Variants in SUMF1 observed in about 807,000 individuals in gnomAD.
SUMF1 encodes formylglycine-generating enzyme.
Under a neutral mutation model 47.6 loss-of-function variants are expected in SUMF1, and 48 were observed. The ratio of observed to expected loss-of-function variants is 1.01; its 90% confidence interval spans 0.80 to 1.28. The LOEUF is 1.28. Among genes scored for constraint, SUMF1 ranks in the 50% most tolerant of loss-of-function variants. SUMF1 has a pLI of 0.00. For missense variants in SUMF1, 571 were observed against 485.4 expected, an observed-to-expected ratio of 1.18 and a Z score of -1.66; for synonymous variants, 230 against 192.1, an observed-to-expected ratio of 1.20 and a Z score of -1.63.
chr3:4,430,836 G>C (rs1209622315), intron 3 of SUMF1, among the ~76,000 whole-genome samples: 2 of 152,098 alleles, frequency 1.3e-5, no homozygotes, highest in Non-Finnish European at 2.9e-5. Flanking sequence ...TAAGAAGGAG[G>C]AGCAAGTAAG....
At chr3:4,186,458 T>A (rs2125138180) in intron 8 of SUMF1, among the ~76,000 whole-genome samples, 1 of 152,236 alleles carries the variant, frequency 6.6e-6, no homozygotes, top group South Asian at 2.1e-4. Context: ...CCTACACAAA[T>A]TCAAATATAT....
chr3:4,243,236 G>A (rs1054273986), intron 8 of SUMF1, among the ~76,000 whole-genome samples: 1 of 152,080 alleles, frequency 6.6e-6, no homozygotes, highest in Non-Finnish European at 1.5e-5. Flanking sequence ...TTGATTTTCT[G>A]AAAGGTTTTT....
At chr3:4,255,056 G>A (rs1226576536) in intron 8 of SUMF1, among the ~76,000 whole-genome samples, 1 of 150,182 alleles carries the variant, frequency 6.7e-6, no homozygotes, top group Non-Finnish European at 1.5e-5. Context: ...TTACAGACAA[G>A]CAAATGCTGA....
intron 8 of SUMF1, chr3:4,303,578 G>A (rs943994385): frequency 7.4e-7 from 1 of 1,346,810 alleles, no homozygotes; most frequent in Non-Finnish European, 9.5e-7. Context: ...TCCCCCACGT[G>A]GTCTCCTCAA....
chr3:4,114,273 T>C (rs1359347745), intron 8 of SUMF1, among the ~76,000 whole-genome samples: 1 of 152,060 alleles, frequency 6.6e-6, no homozygotes, highest in Non-Finnish European at 1.5e-5. Flanking sequence ...TATGGCAGAA[T>C]CAAAGCTTTT....
At chr3:4,187,582 G>C (rs1695227762) in intron 8 of SUMF1, among the ~76,000 whole-genome samples, 1 of 152,122 alleles carries the variant, frequency 6.6e-6, no homozygotes, top group Non-Finnish European at 1.5e-5. Flanking sequence ...ATTAAAATTG[G>C]AGAAGACGAA....
chr3:4,223,166 C>T (rs1696105085), intron 8 of SUMF1, among the ~76,000 whole-genome samples: 1 of 152,118 alleles, frequency 6.6e-6, no homozygotes, highest in Non-Finnish European at 1.5e-5. Context: ...AGCATCAGCT[C>T]TCTGGACAGA....
chr3:4,431,171 T>A (rs1286480942), intron 3 of SUMF1, among the ~76,000 whole-genome samples: 1 of 152,140 alleles, frequency 6.6e-6, no homozygotes, highest in Admixed American at 6.5e-5. Context: ...GATGGGTCAA[T>A]GGTGAAACCC....
rs144988788 is a variant in SUMF1, at chr3:4,174,758, G to T, written c.1015-106013C>A. Among the ~76,000 whole-genome samples the T allele has an allele frequency of 1.1e-3, 166 of 152,264 alleles. 3 individuals carry two copies. In the East Asian group the frequency reaches 0.017, roughly 16 times the overall value. The stretch of plus-strand genomic sequence containing the variant: ...TCACCTCACCCAGGAAGCACAAGGG[G>T]TCAGGAGATTTCTCTTTCCTAGCCA... On this transcript the variant is annotated intron_variant and NMD_transcript_variant, in intron 8 of 12. Transcript: ENST00000448413.
intron 9 of SUMF1, among the ~76,000 whole-genome samples, chr3:4,060,854 T>C (rs1167416196): frequency 6.6e-6 from 1 of 152,140 alleles, no homozygotes; most frequent in African/African-American, 2.4e-5. Flanking sequence ...ATAGCATTTG[T>C]TAAGTAAATA....
chr3:4,391,686 T>C (rs1700868543), intron 7 of SUMF1, among the ~76,000 whole-genome samples: 1 of 152,154 alleles, frequency 6.6e-6, no homozygotes, highest in Non-Finnish European at 1.5e-5. Flanking sequence ...TTTTGCCATG[T>C]TGCCCAGGCT....
At chr3:4,335,210 C>G (rs1374758805) in intron 8 of SUMF1, among the ~76,000 whole-genome samples, 1 of 152,192 alleles carries the variant, frequency 6.6e-6, no homozygotes, top group African/African-American at 2.4e-5. Context: ...CCATTCCTCA[C>G]AATGCATTTT....
intron 9 of SUMF1, among the ~76,000 whole-genome samples, chr3:4,063,571 G>C (rs1376881035): frequency 6.6e-6 from 1 of 151,982 alleles, no homozygotes; most frequent in Admixed American, 6.6e-5. Flanking sequence ...AAGACCCTGT[G>C]AAGCATAAAA....
At chr3:4,232,963 G>A (rs925108765) in intron 8 of SUMF1, among the ~76,000 whole-genome samples, 2 of 152,084 alleles carry the variant, frequency 1.3e-5, no homozygotes, top group African/African-American at 2.4e-5. Context: ...GTGAATCCAC[G>A]GGTCTCACCA....
At chr3:4,055,522 A>T (rs1695176049) in intron 9 of SUMF1, among the ~76,000 whole-genome samples, 1 of 152,028 alleles carries the variant, frequency 6.6e-6, no homozygotes, top group African/African-American at 2.4e-5. Context: ...TCGCTCTGTC[A>T]CTCCAGTTGG....
chr3:4,426,439 CCATCCAAACT>C (rs900608573), intron 3 of SUMF1, among the ~76,000 whole-genome samples: 4 of 152,196 alleles, frequency 2.6e-5, no homozygotes, highest in Non-Finnish European at 5.9e-5. Flanking sequence ...AGGGCAAATC[CCATCCAAACT>C]CACTAGACGT....
chr3:4,366,592 T>C (rs1699966689), intron 8 of SUMF1, among the ~76,000 whole-genome samples: 1 of 150,890 alleles, frequency 6.6e-6, no homozygotes, highest in African/African-American at 2.4e-5. Context: ...CTTCTCTGTA[T>C]TGGTTATTCT....
chr3:4,313,216 A>G (rs1575083106), intron 8 of SUMF1: 1 of 1,613,866 alleles, frequency 6.2e-7, no homozygotes, highest in South Asian at 1.1e-5. Context: ...CTTGGAATTT[A>G]TACCGAAAGG....
intron 8 of SUMF1, among the ~76,000 whole-genome samples, chr3:4,077,647 G>C (rs1047759983): frequency 3.3e-5 from 5 of 151,962 alleles, no homozygotes; most frequent in Non-Finnish European, 5.9e-5. Context: ...CACACACCAG[G>C]GCCTGTCATC....
Sources: gnomAD v4.1 joint callset for allele counts (sites outside exome capture counted in the v4.1 genomes callset) on GRCh38, gnomAD v4.1.1 for gene constraint, MANE v1.5 for transcripts, NCBI Gene and HGNC (gene_info 2026-07-23, HGNC 2026-07-21) for gene names.